The following CTSH variants were observed in gnomAD, a reference collection of about 807,000 sequenced individuals.
CTSH encodes the protein cathepsin H, also known as pro-cathepsin H.
Under a neutral mutation model 56.3 loss-of-function variants are expected in CTSH, and 52 were observed. The ratio of observed to expected loss-of-function variants is 0.92; its 90% confidence interval spans 0.74 to 1.16. CTSH has a LOEUF of 1.16. CTSH is among the 50% of genes most tolerant of loss of function. The pLI is 0.00. For synonymous variants in CTSH, 174 were observed against 155.7 expected (o/e 1.12, Z -0.88); for missense variants, 406 against 424.5 (o/e 0.96, Z 0.38).
intron 1 of CTSH, among the ~76,000 whole-genome samples, chr15:78,939,951 A>G (rs931399571): frequency 1.1e-4 from 16 of 152,238 alleles, no homozygotes; most frequent in Admixed American, 9.2e-4. Context: ...TTATGGGGAC[A>G]GGTAGTAAAT....
chr15:78,929,857 C>T (rs927012186), intron 7 of CTSH, among the ~76,000 whole-genome samples: 3 of 152,304 alleles, frequency 2.0e-5, no homozygotes, highest in East Asian at 1.9e-4. Context: ...CCTGACCCCT[C>T]GTGTCGACCC....
intron 7 of CTSH, among the ~76,000 whole-genome samples, chr15:78,931,202 C>T (rs1188913688): frequency 7.9e-5 from 12 of 152,026 alleles, no homozygotes; most frequent in African/African-American, 2.4e-4. Flanking sequence ...TGAGGCCAAC[C>T]GCACTGTGGA....
Position 78,939,181 on chromosome 15 carries a change from G to T in CTSH, c.92-10C>A. The T allele has an allele frequency of 1.1e-5, 15 of 1,395,428 alleles. No individual in the cohort carries two copies. Among genetic ancestry groups the T allele is most frequent in the Non-Finnish European group, 1.5e-5 (15 of 1,007,098 alleles). The allele number at this position is 1,395,428 out of a possible 1,614,324, so 86.4% of individuals were successfully genotyped here. ...TTGAAGTGAAACTTCTCTGTAAAAA[G>T]AAAAAAAAAATTAGGTCTGGGCGCA... is the stretch of plus-strand genomic sequence containing the variant. On this transcript the variant is annotated splice_polypyrimidine_tract_variant and intron_variant, in intron 1 of 11. Coordinates refer to ENST00000220166, the MANE Select transcript of CTSH (RefSeq NM_004390.5).
chr15:78,937,929 G>A, intron 2 of CTSH: 1 of 642,136 alleles, frequency 1.6e-6, no homozygotes, highest in Non-Finnish European at 2.3e-6. Context: ...ATCAAATCAA[G>A]GTCATTGGGA....
intron 9 of CTSH, chr15:78,926,769 C>T (rs1165827658): frequency 6.6e-6 from 1 of 152,142 alleles, no homozygotes; most frequent in African/African-American, 2.4e-5. Flanking sequence ...ACTTGGAGCC[C>T]CCGTTTCCTC....
Position 78,921,490 on chromosome 15 carries a change from C to CT in CTSH, c.*639dup, listed in dbSNP as rs1456984390. 6.6e-6 allele frequency: 1 copy of CT among 152,554 alleles called. No individual in the cohort carries two copies. Among genetic ancestry groups the CT allele is most frequent in the Non-Finnish European group, 1.5e-5 (1 of 68,360 alleles). The allele number at this position is 152,554 out of a possible 1,614,324, so 9.5% of individuals were successfully genotyped here. On this transcript the variant is annotated 3_prime_UTR_variant, in exon 12 of 12. Transcript: ENST00000220166. ...GGGAGGCCACACAGAGAAGTACAGG[C>CT]TTCTGGGCTGACATTGTGGGTTTGA...
chr15:78,930,541 T>A (rs199972361), intron 7 of CTSH, among the ~76,000 whole-genome samples: 21 of 55,784 alleles, frequency 3.8e-4, no homozygotes, highest in Admixed American at 1.7e-3. Context: ...AAAGAAAAAA[T>A]AAATAAATAA....
At chr15:78,923,592 T>G (rs2054826608) in intron 10 of CTSH, among the ~76,000 whole-genome samples, 1 of 152,066 alleles carries the variant, frequency 6.6e-6, no homozygotes, top group Non-Finnish European at 1.5e-5. Context: ...CCCGGCCCTT[T>G]CAGTTCTTTT....
At chr15:78,939,066 C>T (rs2055233785) in intron 2 of CTSH, 74 bp downstream of exon 2, 1 of 1,352,888 alleles carries the variant, frequency 7.4e-7, no homozygotes, top group African/African-American at 1.5e-5. Context: ...TGTCTCAAAT[C>T]TGGGACAGTT....
At chr15:78,923,189 C>G (rs199594744) in intron 10 of CTSH, 71 bp from the exon 11 acceptor site, 6 of 1,573,794 alleles carry the variant, frequency 3.8e-6, no homozygotes, top group Non-Finnish European at 4.3e-6. Context: ...CATCCAACAA[C>G]GCCTCTTTGA....
chr15:78,943,041 C>G (rs1417035740), intron 1 of CTSH, among the ~76,000 whole-genome samples: 1 of 152,112 alleles, frequency 6.6e-6, no homozygotes, highest in Non-Finnish European at 1.5e-5. Flanking sequence ...AGACAGACCT[C>G]AACTCAGGAC....
rs181925823 is a variant in CTSH, at chr15:78,924,800, G to C, written c.806+534C>G. Among the ~76,000 whole-genome samples, 3 of 149,494 alleles carry C rather than the reference G, an allele frequency of 2.0e-5. No individual in the cohort carries two copies. The East Asian group carries it at 5.9e-4, about 30-fold the overall frequency. On this transcript the variant is annotated intron_variant, in intron 10 of 11. Transcript: ENST00000220166. ...CACCTCCTAGGTTCAAGCCATTCTT[G>C]TGTCTCAGCCTCCCGAGTAGCTGGG...
At chr15:78,939,614 G>A (rs1414505502) in intron 1 of CTSH, among the ~76,000 whole-genome samples, 17 of 152,212 alleles carry the variant, frequency 1.1e-4, no homozygotes, top group South Asian at 4.1e-4. Flanking sequence ...CCAGCTGGGC[G>A]CGGTGGCTCA....
At chr15:78,922,596 C>T (rs137937605) in intron 11 of CTSH, among the ~76,000 whole-genome samples, 1 of 152,170 alleles carries the variant, frequency 6.6e-6, no homozygotes, top group East Asian at 1.9e-4. Context: ...ACACCCAGGC[C>T]GCCCCATGCC....
At chr15:78,923,837 T>C (rs144619672) in intron 10 of CTSH, among the ~76,000 whole-genome samples, 10 of 152,300 alleles carry the variant, frequency 6.6e-5, no homozygotes, top group African/African-American at 2.2e-4. Flanking sequence ...AAAAGTGAAC[T>C]AGCCTCCATA....
chr15:78,943,875 G>C (rs188470134), intron 1 of CTSH, among the ~76,000 whole-genome samples: 204 of 152,356 alleles, frequency 1.3e-3, no homozygotes, highest in Admixed American at 2.9e-3. Flanking sequence ...GCGGCAGCTA[G>C]GTTTTCCTTA....
intron 5 of CTSH, chr15:78,933,532 T>A: frequency 2.2e-6 from 1 of 455,198 alleles, no homozygotes; most frequent in South Asian, 1.6e-5. Context: ...TCACCCAATC[T>A]CTTCCCTTCA....
intron 10 of CTSH, among the ~76,000 whole-genome samples, chr15:78,924,569 TA>T (rs1350173346): frequency 1.3e-5 from 2 of 152,152 alleles, no homozygotes; most frequent in Non-Finnish European, 2.9e-5. Flanking sequence ...AACCCCATAG[TA>T]AAGAGGCTAA....
Position 78,928,296 on chromosome 15 carries a change from G to A in CTSH, c.631-515C>T, listed in dbSNP as rs147214329. Among the ~76,000 whole-genome samples, 803 of 152,084 alleles carry A rather than the reference G, an allele frequency of 5.3e-3. 11 individuals carry two copies. Among genetic ancestry groups the A allele is most frequent in the African/African-American group, 0.018 (758 of 41,478 alleles). On this transcript the variant is annotated intron_variant, in intron 8 of 11. Transcript: ENST00000220166. ...TAAGAAGGGAGAGTTGGCCGGGCACGGTGGCTCACGCCTGTAATCACAGCA... is the reference window on the plus strand; with the variant it reads ...TAAGAAGGGAGAGTTGGCCGGGCACAGTGGCTCACGCCTGTAATCACAGCA...
Sources: gnomAD v4.1 joint callset for allele counts (sites outside exome capture counted in the v4.1 genomes callset) on GRCh38, gnomAD v4.1.1 for gene constraint, MANE v1.5 for transcripts, NCBI Gene and HGNC (gene_info 2026-07-23, HGNC 2026-07-21) for gene names.